Variants in SYNE1 observed in about 807,000 individuals in gnomAD.
SYNE1 encodes spectrin repeat containing nuclear envelope protein 1.
In SYNE1, 616 loss-of-function variants were observed where a neutral mutation model predicts 1,111.0. The ratio of observed to expected loss-of-function variants is 0.55; its 90% CI spans 0.52 to 0.59. The LOEUF is 0.59. Ranked by LOEUF, SYNE1 falls within the 20% of genes least tolerant of loss-of-function variation. The pLI is 0.00. For synonymous variants in SYNE1, 3,855 were observed against 3,825.8 expected, an observed-to-expected ratio of 1.01 and a Z score of -0.28; for missense variants, 10,006 against 10,417.0, an observed-to-expected ratio of 0.96 and a Z score of 1.72.
At chr6:152,516,835 C>A (rs2099114652) in intron 6 of SYNE1, among the ~76,000 whole-genome samples, 1 of 152,172 alleles carries the variant, frequency 6.6e-6, no homozygotes. Flanking sequence ...ATTCACCTAC[C>A]CTTCCCTCCC....
In SYNE1 at chr6:152,444,509, C is replaced by A; in HGVS notation, c.3739G>T (p.Glu1247Ter). Reference sequence around the variant, plus strand: ...ACTTCTTTAGAGCCAGAAATTAATTCTTCGAGAGAATTTTTGACTATTTCT... The same window carrying A: ...ACTTCTTTAGAGCCAGAAATTAATTATTCGAGAGAATTTTTGACTATTTCT... ...YKEIVKNSLE[E>*]LISGSKEVQE... Residue 1247 changes from glutamate to a stop codon, truncating the protein, a stop_gained, in exon 30 of 146, where the codon GAA (glutamate) becomes TAA (stop). Coordinates refer to ENST00000367255, the MANE Select transcript of SYNE1 (RefSeq NM_182961.4). LOFTEE classifies it high-confidence loss of function. The A allele has an allele frequency of 6.2e-7, 1 of 1,613,722 alleles. No individual in the cohort carries two copies. Among genetic ancestry groups the A allele is most frequent in the Non-Finnish European group, 8.5e-7 (1 of 1,179,904 alleles).
Position 152,294,231 on chromosome 6 carries a change from C to G in SYNE1, c.17683-104G>C, listed in dbSNP as rs1215288158. 4 of 1,184,744 alleles carry G rather than the reference C, an allele frequency of 3.4e-6. No homozygotes were observed. In the African/African-American group the frequency reaches 6.0e-5, roughly 18 times the overall value. The allele number at this position is 1,184,744 out of a possible 1,614,324, so 73.4% of individuals were successfully genotyped here. A position where few individuals can be genotyped will look rare whatever the true frequency, so the allele number is the denominator to read the frequency against. ...GTCAAGGAAAGGTTTCAGATCTACA[C>G]CTTTCATGGGGCACTACAAACTAGT... On this transcript the variant is annotated intron_variant, in intron 93 of 145. Coordinates refer to ENST00000367255, the MANE Select transcript of SYNE1 (RefSeq NM_182961.4).
intron 54 of SYNE1, among the ~76,000 whole-genome samples, chr6:152,386,231 C>A (rs1234110971): frequency 6.6e-6 from 1 of 152,026 alleles, no homozygotes; most frequent in Non-Finnish European, 1.5e-5. Context: ...TCATAACAGT[C>A]CTGTGAGGAA....
chr6:152,588,247 A>C (rs1411792926), intron 3 of SYNE1, among the ~76,000 whole-genome samples: 1 of 152,206 alleles, frequency 6.6e-6, no homozygotes, highest in Admixed American at 6.5e-5. Context: ...CAAAACCCAC[A>C]AGAAAATTTA....
chr6:152,587,828 T>A (rs1385661881), intron 3 of SYNE1, among the ~76,000 whole-genome samples: 1 of 152,168 alleles, frequency 6.6e-6, no homozygotes, highest in African/African-American at 2.4e-5. Context: ...CCATTAGTAA[T>A]CACAGAAATG....
chr6:152,452,401 C>T (rs2098658646), intron 25 of SYNE1, among the ~76,000 whole-genome samples: 1 of 152,184 alleles, frequency 6.6e-6, no homozygotes, highest in East Asian at 1.9e-4. Context: ...TCTAACAAAG[C>T]TTGGATTTCT....
intron 127 of SYNE1, among the ~76,000 whole-genome samples, chr6:152,196,064 G>A (rs1333691162): frequency 1.3e-5 from 2 of 152,154 alleles, no homozygotes; most frequent in Admixed American, 6.5e-5. Flanking sequence ...TGCCACAACA[G>A]AACCGTGGGG....
chr6:152,464,568 A>G (rs578047492), intron 18 of SYNE1, among the ~76,000 whole-genome samples: 1 of 152,338 alleles, frequency 6.6e-6, no homozygotes, highest in East Asian at 1.9e-4. Flanking sequence ...TAATAGATGA[A>G]CCAATCTTGG....
intron 74 of SYNE1, among the ~76,000 whole-genome samples, chr6:152,343,813 C>T (rs530206094): frequency 6.6e-6 from 1 of 152,060 alleles, no homozygotes; most frequent in South Asian, 2.1e-4. Context: ...AGTGATTCGC[C>T]CGTTTTGGCC....
At chr6:152,354,461 A>G (rs2096799068) in intron 67 of SYNE1, among the ~76,000 whole-genome samples, 198 bp downstream of exon 67, 1 of 152,240 alleles carries the variant, frequency 6.6e-6, no homozygotes, top group Non-Finnish European at 1.5e-5. Flanking sequence ...ACATTAAACT[A>G]CCTTGTATCA....
At chr6:152,520,428 C>A in intron 6 of SYNE1, 31 bp downstream of exon 6, 1 of 1,606,380 alleles carries the variant, frequency 6.2e-7, no homozygotes, top group South Asian at 1.1e-5. Context: ...CACCTTCTTC[C>A]TTGGGCATTT....
At chr6:152,243,731 C>G (rs1273408036) in intron 106 of SYNE1, among the ~76,000 whole-genome samples, 1 of 152,194 alleles carries the variant, frequency 6.6e-6, no homozygotes, top group Non-Finnish European at 1.5e-5. Context: ...ACTCACAACC[C>G]TGTACTGGAC....
chr6:152,283,996 C>G lies in SYNE1; in HGVS notation c.18189G>C (p.Gly6063=), dbSNP rs1025895913. The G allele has an allele frequency of 4.3e-6, 7 of 1,614,078 alleles. No individual in the cohort carries two copies. The highest frequency in any genetic ancestry group is 5.9e-6 in the Non-Finnish European group (7 of 1,180,034). Residue 6063 remains glycine (G), a synonymous_variant, in exon 96 of 146, where the codon GGG becomes GGC. Transcript: ENST00000367255. The part of the protein sequence containing the change: ...RMSTIRMKAS[G]KRQLLEEKLN... Reference sequence around the variant, plus strand: ...TGGTTACCTCCAAAAGCTGCCGTTTCCCCGAGGCTTTCATCCTGATGGTGG... The same window carrying G: ...TGGTTACCTCCAAAAGCTGCCGTTTGCCCGAGGCTTTCATCCTGATGGTGG...
chr6:152,394,672 C>A (rs1274538917), intron 51 of SYNE1, among the ~76,000 whole-genome samples: 6 of 151,600 alleles, frequency 4.0e-5, no homozygotes, highest in Non-Finnish European at 7.4e-5. Flanking sequence ...CTTGACCATA[C>A]CTTTTACTTT....
chr6:152,222,170 C>A (rs957369546), intron 117 of SYNE1, among the ~76,000 whole-genome samples: 1 of 152,156 alleles, frequency 6.6e-6, no homozygotes, highest in African/African-American at 2.4e-5. Flanking sequence ...ATAGGGACTG[C>A]GTTAGGGATA....
chr6:152,469,061 T>C (rs2098789119), intron 16 of SYNE1, among the ~76,000 whole-genome samples: 2 of 152,128 alleles, frequency 1.3e-5, no homozygotes, highest in African/African-American at 2.4e-5. Flanking sequence ...TACAGGTGTG[T>C]GTGAGCTGCT....
At chr6:152,198,631 C>T (rs907843718) in intron 127 of SYNE1, among the ~76,000 whole-genome samples, 5 of 152,040 alleles carry the variant, frequency 3.3e-5, no homozygotes, top group African/African-American at 1.2e-4. Flanking sequence ...CACTCAGAGG[C>T]CACTGTATGA....
At chr6:152,310,093 A>G (rs2095501490) in intron 89 of SYNE1, 76 bp from the exon 90 acceptor site, 2 of 1,486,552 alleles carry the variant, frequency 1.3e-6, no homozygotes, top group Non-Finnish European at 1.8e-6. Flanking sequence ...ACTAAATTAT[A>G]GTTACGTTGC....
chr6:152,446,745 A>G (rs1185128469), intron 29 of SYNE1, among the ~76,000 whole-genome samples: 1 of 152,228 alleles, frequency 6.6e-6, no homozygotes, highest in Non-Finnish European at 1.5e-5. Context: ...CTGGTCAGTA[A>G]AAATATTTTT....
Sources: allele counts gnomAD v4.1 joint callset (sites outside exome capture counted in the v4.1 genomes callset), GRCh38; gene constraint gnomAD v4.1.1; transcripts MANE v1.5; gene names NCBI Gene and HGNC (gene_info 2026-07-23, HGNC 2026-07-21).